Variants in SLC9C2 observed in about 807,000 individuals in gnomAD.
SLC9C2 encodes solute carrier family 9 member C2 (putative).
In SLC9C2, 75 loss-of-function variants were observed where a neutral mutation model predicts 140.2. That is an observed-to-expected ratio of 0.53 (90% CI 0.44 to 0.65). The LOEUF (loss-of-function observed/expected upper bound fraction) is 0.65, where lower values mean the gene tolerates loss of function less well. Ranked by LOEUF, SLC9C2 falls within the 30% of genes least tolerant of loss-of-function variation. The pLI is 0.00. For missense variants in SLC9C2, 1,074 were observed against 1,331.8 expected (o/e 0.81, Z 3.01); for synonymous variants, 375 against 420.9 (o/e 0.89, Z 1.34).
rs566810176 is a variant in SLC9C2, at chr1:173,526,054, A to G, written c.2365+609T>C. Among the ~76,000 whole-genome samples, 35 of 152,256 alleles carry G rather than the reference A, an allele frequency of 2.3e-4. 1 individual carries two copies. In the South Asian group the frequency reaches 6.8e-3, roughly 30 times the overall value. On this transcript the variant is annotated intron_variant, in intron 19 of 27. Transcript: ENST00000367714. Reference sequence around the variant, plus strand: ...TTTATTTTCTTTTCTGATAACTTCCATTTATTAAGGGCCTTCCATATGCTG... The same window carrying G: ...TTTATTTTCTTTTCTGATAACTTCCGTTTATTAAGGGCCTTCCATATGCTG...
intron 19 of SLC9C2, 41 bp downstream of exon 19, chr1:173,526,622 T>G (rs367913933): frequency 2.7e-6 from 4 of 1,476,624 alleles, no homozygotes; most frequent in Non-Finnish European, 3.7e-6. Context: ...TATAGGACAA[T>G]AAGGTATGAC....
At chr1:173,542,409 C>T (rs1662501916) in intron 13 of SLC9C2, among the ~76,000 whole-genome samples, 1 of 152,178 alleles carries the variant, frequency 6.6e-6, no homozygotes, top group Admixed American at 6.5e-5. Flanking sequence ...AACAGATTCA[C>T]AGCCAAATTC....
rs959349761 is a variant in SLC9C2 at position 173,536,818 on chromosome 1, G to A, written c.1655+124C>T. The A allele has an allele frequency of 1.0e-5, 7 of 680,676 alleles. No homozygotes were observed. In the East Asian group the frequency reaches 1.8e-4, roughly 18 times the overall value. 42.2% of individuals were successfully genotyped at this position (680,676 alleles called of 1,614,324 possible). A position where few individuals can be genotyped will look rare whatever the true frequency, so the allele number is the denominator to read the frequency against. ...ACAGACAGATGGACAGACAGAAGATGGATACATACAGATATGTGAAATAAT... is the reference window on the plus strand; with the variant it reads ...ACAGACAGATGGACAGACAGAAGATAGATACATACAGATATGTGAAATAAT... On this transcript the variant is annotated intron_variant, in intron 14 of 27. Coordinates refer to ENST00000367714, the MANE Select transcript of SLC9C2 (RefSeq NM_178527.4).
At chr1:173,561,436 C>T (rs1452191708) in intron 9 of SLC9C2, among the ~76,000 whole-genome samples, 1 of 152,174 alleles carries the variant, frequency 6.6e-6, no homozygotes, top group African/African-American at 2.4e-5. Context: ...AGCTGTACAA[C>T]CAAGACCTGG....
At position 173,536,988 on chromosome 1, in the gene SLC9C2, G is replaced by A. The variant is rs770082748; in HGVS notation, c.1609C>T (p.Arg537Trp). ...NNGILEIEAA[R>W]ILIGAAKCYY... is the part of the protein sequence containing the mutation. Reference sequence around the variant, plus strand: ...CATTTTGCTGCACCAATTAATATCCGGGCTGCCTCTATTTCAAGAATTCCA... The same window carrying A: ...CATTTTGCTGCACCAATTAATATCCAGGCTGCCTCTATTTCAAGAATTCCA... The change falls in exon 14 of 28, where the codon CGG (arginine) becomes TGG (tryptophan). Residue 537 changes from arginine to tryptophan, a missense_variant. By Grantham distance (101) the Arg-to-Trp change is moderately radical (BLOSUM62 -3). Transcript: ENST00000367714. 1.3e-5 allele frequency: 21 copies of A among 1,613,452 alleles called. No individual in the cohort carries two copies. The highest frequency in any genetic ancestry group is 2.7e-5 in the African/African-American group (2 of 74,838).
intron 13 of SLC9C2, among the ~76,000 whole-genome samples, chr1:173,540,083 G>T (rs953037452): frequency 1.3e-5 from 2 of 152,136 alleles, no homozygotes; most frequent in Non-Finnish European, 2.9e-5. Flanking sequence ...AACTTAAGAG[G>T]CTTTGTGGCT....
intron 9 of SLC9C2, among the ~76,000 whole-genome samples, chr1:173,563,359 G>T (rs1030268320): frequency 1.8e-4 from 27 of 151,782 alleles, no homozygotes; most frequent in Non-Finnish European, 1.8e-4. Context: ...AAATGTTTTA[G>T]CCACTCATAT....
In SLC9C2 at chr1:173,500,671, C is replaced by A. The variant is rs1659205846; in HGVS notation, c.*423G>T. On this transcript the variant is annotated 3_prime_UTR_variant, in exon 28 of 28. Transcript: ENST00000367714. Reference sequence around the variant, plus strand: ...CTGGGAAGGGGAGAATAGCTATACTCGGGAAAATATTAGGGAGGCACTAAT... The same window carrying A: ...CTGGGAAGGGGAGAATAGCTATACTAGGGAAAATATTAGGGAGGCACTAAT... The A allele has an allele frequency of 6.6e-6, 1 of 152,472 alleles. No homozygotes were observed. The highest frequency in any genetic ancestry group is 6.5e-5 in the Admixed American group (1 of 15,284). 9.4% of individuals were successfully genotyped at this position (152,472 alleles called of 1,614,324 possible).
chr1:173,553,429 T>G (rs901195901), intron 11 of SLC9C2, among the ~76,000 whole-genome samples: 8 of 152,218 alleles, frequency 5.3e-5, no homozygotes, highest in African/African-American at 1.9e-4. Context: ...AAATCTTTCA[T>G]GAAAGGAAGA....
At chr1:173,535,762 G>C in intron 15 of SLC9C2, 68 bp downstream of exon 15, 1 of 1,407,516 alleles carries the variant, frequency 7.1e-7, no homozygotes, top group Non-Finnish European at 9.4e-7. Context: ...ATTGAGATAA[G>C]CTATTATGAC....
At chr1:173,532,271 G>A (rs1547156) in intron 17 of SLC9C2, among the ~76,000 whole-genome samples, 29,808 of 152,104 alleles carry the variant, frequency 0.2, 4,215 homozygotes, top group East Asian at 0.64. Context: ...TTAAGTCTCT[G>A]TATCTAACTT....
chr1:173,559,236 A>G (rs925204636), intron 9 of SLC9C2, among the ~76,000 whole-genome samples: 1 of 152,214 alleles, frequency 6.6e-6, no homozygotes, highest in Non-Finnish European at 1.5e-5. Flanking sequence ...TAGTCAATTC[A>G]AAGTTCCCTA....
intron 5 of SLC9C2, among the ~76,000 whole-genome samples, chr1:173,585,419 T>C (rs1558091308): frequency 6.6e-6 from 1 of 152,208 alleles, no homozygotes; most frequent in Non-Finnish European, 1.5e-5. Flanking sequence ...TATTTAATAG[T>C]TTCTTTTATT....
At chr1:173,523,643 A>T (rs1359996731) in intron 21 of SLC9C2, among the ~76,000 whole-genome samples, 2 of 152,178 alleles carry the variant, frequency 1.3e-5, no homozygotes, top group African/African-American at 4.8e-5. Flanking sequence ...CAGTAACTTA[A>T]ATTTGAGACC....
intron 4 of SLC9C2, among the ~76,000 whole-genome samples, chr1:173,595,526 G>A (rs956213540): frequency 6.6e-6 from 1 of 152,116 alleles, no homozygotes; most frequent in African/African-American, 2.4e-5. Context: ...TTTTACATAA[G>A]CCTATTGCCA....
Position 173,597,887 on chromosome 1 carries a change from T to G in SLC9C2, c.357+17A>C, listed in dbSNP as rs16846270. 4.6e-3 allele frequency: 7,190 copies of G among 1,567,110 alleles called. 337 individuals carry two copies. In the African/African-American group the frequency reaches 0.091, roughly 20 times the overall value. On this transcript the variant is annotated intron_variant, in intron 4 of 27. Coordinates refer to ENST00000367714, the MANE Select transcript of SLC9C2 (RefSeq NM_178527.4). ...TAAGCAAGAATTGATCGTACTTTGT[T>G]TTAAATGTGTTCTTACCTGCCAAAA...
At chr1:173,569,750 G>A (rs1474981148) in intron 9 of SLC9C2, among the ~76,000 whole-genome samples, 1 of 151,870 alleles carries the variant, frequency 6.6e-6, no homozygotes, top group Non-Finnish European at 1.5e-5. Flanking sequence ...AGGAGTTCAA[G>A]ACCAGCCTGG....
intron 14 of SLC9C2, among the ~76,000 whole-genome samples, chr1:173,536,308 T>G (rs1661955187): frequency 6.6e-6 from 1 of 152,210 alleles, no homozygotes; most frequent in African/African-American, 2.4e-5. Flanking sequence ...GTAAAGATCT[T>G]CCAAATAGAT....
At chr1:173,554,890 C>T in intron 10 of SLC9C2, 76 bp from the exon 11 acceptor site, 1 of 869,984 alleles carries the variant, frequency 1.1e-6, no homozygotes, top group Non-Finnish European at 1.9e-6. Context: ...GTTCAATTAG[C>T]CACTTACAAA....
Sources: gnomAD v4.1 joint callset for allele counts (sites outside exome capture counted in the v4.1 genomes callset) on GRCh38, gnomAD v4.1.1 for gene constraint, MANE v1.5 for transcripts, NCBI Gene and HGNC (gene_info 2026-07-23, HGNC 2026-07-21) for gene names.